Variants in PPP2R2B observed in about 807,000 individuals in gnomAD.
PPP2R2B encodes the protein protein phosphatase 2 regulatory subunit Bbeta, also known as serine/threonine-protein phosphatase 2A 55 kDa regulatory subunit B beta isoform.
In PPP2R2B, 5 loss-of-function variants were observed where a neutral mutation model predicts 46.0. The observed-to-expected ratio is 0.11, with a 90% confidence interval of 0.06 to 0.23. The LOEUF is 0.23. Ranked by LOEUF, PPP2R2B falls within the 10% of genes least tolerant of loss-of-function variation. The pLI is 1.00. For synonymous variants in PPP2R2B, 215 were observed against 206.7 expected, an observed-to-expected ratio of 1.04 and a Z score of -0.34; for missense variants, 367 against 575.0, an observed-to-expected ratio of 0.64 and a Z score of 3.70.
intron 9 of PPP2R2B, among the ~76,000 whole-genome samples, chr5:146,590,519 T>G (rs1288594396): frequency 2.0e-5 from 3 of 152,062 alleles, no homozygotes; most frequent in African/African-American, 7.3e-5. Flanking sequence ...TTTTGCTTCT[T>G]TGGCTCAGAA....
chr5:147,051,305 A>G (rs1561600461), intron 1 of PPP2R2B, among the ~76,000 whole-genome samples: 1 of 152,170 alleles, frequency 6.6e-6, no homozygotes, highest in Non-Finnish European at 1.5e-5. Context: ...ACATGGAGAC[A>G]ATGGCGTTTA....
chr5:146,995,066 AC>A (rs772174129), intron 1 of PPP2R2B, among the ~76,000 whole-genome samples: 1 of 152,152 alleles, frequency 6.6e-6, no homozygotes, highest in Non-Finnish European at 1.5e-5. Context: ...CACCTGTCTT[AC>A]CTTTGAGTTT....
chr5:146,585,088 T>C lies in PPP2R2B; in HGVS notation c.*4859A>G, dbSNP rs754783120. Reference sequence around the variant, plus strand: ...ATATGCACTTTCTCCTATGTGAGTGTCATCTCTTGGAGGGCAGGGGCCAGT... The same window carrying C: ...ATATGCACTTTCTCCTATGTGAGTGCCATCTCTTGGAGGGCAGGGGCCAGT... On this transcript the variant is annotated 3_prime_UTR_variant, in exon 10 of 10. Coordinates refer to ENST00000394411, the MANE Select transcript of PPP2R2B (RefSeq NM_181675.4). The C allele has an allele frequency of 2.0e-5, 3 of 152,216 alleles. No individual in the cohort carries two copies. The highest frequency in any genetic ancestry group is 4.4e-5 in the Non-Finnish European group (3 of 68,038). The allele number at this position is 152,216 out of a possible 1,614,324, so 9.4% of individuals were successfully genotyped here.
Position 146,976,220 on chromosome 5 carries a change from T to G in PPP2R2B, c.79+79445A>C, listed in dbSNP as rs547281223. 1.1e-4 allele frequency among the ~76,000 whole-genome samples: 16 copies of G among 151,770 alleles called. 1 individual carries two copies. The highest frequency in any genetic ancestry group is 3.6e-4 in the African/African-American group (15 of 41,418). On this transcript the variant is annotated intron_variant, in intron 1 of 8. Coordinates refer to the PPP2R2B transcript ENST00000336640. Reference sequence around the variant, plus strand: ...TGGTGCAATCTCGGCTCACTGCAACTTCTGCTTCCCGGGTTCAAGCTATTC... The same window carrying G: ...TGGTGCAATCTCGGCTCACTGCAACGTCTGCTTCCCGGGTTCAAGCTATTC...
At chr5:147,081,150 A>C in intron 1 of PPP2R2B, 1 of 1,535,488 alleles carries the variant, frequency 6.5e-7, no homozygotes, top group Non-Finnish European at 8.7e-7. Flanking sequence ...AAAACAACAC[A>C]AGGAGACACT....
intron 2 of PPP2R2B, among the ~76,000 whole-genome samples, chr5:146,718,758 C>T (rs1780633041): frequency 6.6e-6 from 1 of 152,208 alleles, no homozygotes; most frequent in African/African-American, 2.4e-5. Flanking sequence ...GCCAAGAAGT[C>T]TGACCCAGTG....
intron 1 of PPP2R2B, among the ~76,000 whole-genome samples, chr5:146,977,665 G>A (rs867941085): frequency 6.6e-6 from 1 of 152,062 alleles, no homozygotes; most frequent in Middle Eastern, 3.2e-3. Context: ...CGAGAATGAT[G>A]GTCTCCAGCT....
chr5:146,684,050 A>G (rs1252595739), intron 5 of PPP2R2B, among the ~76,000 whole-genome samples: 3 of 152,108 alleles, frequency 2.0e-5, no homozygotes, highest in South Asian at 2.1e-4. Flanking sequence ...CTAATCCAGG[A>G]GCCGTTGGTG....
At chr5:146,845,580 T>G (rs983501090) in intron 2 of PPP2R2B, among the ~76,000 whole-genome samples, 1 of 152,124 alleles carries the variant, frequency 6.6e-6, no homozygotes, top group African/African-American at 2.4e-5. Context: ...TTTTCTGTTT[T>G]ATTCATGTCT....
rs563399449 is a variant in PPP2R2B at position 147,042,791 on chromosome 5, G to A, written c.79+12874C>T. Among the ~76,000 whole-genome samples, 119 of 152,242 alleles carry A rather than the reference G, an allele frequency of 7.8e-4. 4 individuals carry two copies. In the Middle Eastern group the frequency reaches 0.044, roughly 57 times the overall value. On this transcript the variant is annotated intron_variant, in intron 1 of 8. Coordinates refer to the PPP2R2B transcript ENST00000336640. ...ATGGGAGGTGTGCTTTTCAGACAAA[G>A]TAGGCAGGAAGGTTTGTATGTAGGA... is the stretch of plus-strand genomic sequence containing the variant.
At chr5:146,828,047 C>A (rs908546559) in intron 2 of PPP2R2B, among the ~76,000 whole-genome samples, 6 of 151,774 alleles carry the variant, frequency 4.0e-5, no homozygotes, top group African/African-American at 1.5e-4. Context: ...CAGAGACAGA[C>A]AATCATGTAC....
chr5:146,727,786 ACTT>A (rs1174693218), intron 2 of PPP2R2B, among the ~76,000 whole-genome samples: 1 of 151,740 alleles, frequency 6.6e-6, no homozygotes, highest in African/African-American at 2.4e-5. Flanking sequence ...GATCTCTAAA[ACTT>A]CTTCTTCTTG....
rs565431181 is a variant in PPP2R2B at position 146,685,129 on chromosome 5, C to T, written c.447+5999G>A. Among the ~76,000 whole-genome samples the T allele has an allele frequency of 3.3e-5, 5 of 152,266 alleles. No homozygotes were observed. The South Asian group carries it at 1.0e-3, about 32-fold the overall frequency. On this transcript the variant is annotated intron_variant, in intron 5 of 9. Transcript: ENST00000394411. ...GAGATACAAAATACATGGAAAAGTCCTGTACATCAGATGTTGTCATCCTCA... is the reference window on the plus strand; with the variant it reads ...GAGATACAAAATACATGGAAAAGTCTTGTACATCAGATGTTGTCATCCTCA...
chr5:146,601,028 G>A (rs1344210118), intron 7 of PPP2R2B, among the ~76,000 whole-genome samples: 1 of 152,180 alleles, frequency 6.6e-6, no homozygotes, highest in Middle Eastern at 3.4e-3. Flanking sequence ...CACATAAATA[G>A]AATCATAGAA....
chr5:147,011,375 T>C (rs1254745965), intron 1 of PPP2R2B, among the ~76,000 whole-genome samples: 1 of 152,140 alleles, frequency 6.6e-6, no homozygotes, highest in Non-Finnish European at 1.5e-5. Context: ...TATCACCCTT[T>C]AACATGTCAT....
chr5:146,793,867 T>G (rs867356872), intron 2 of PPP2R2B, among the ~76,000 whole-genome samples: 3 of 152,332 alleles, frequency 2.0e-5, no homozygotes, highest in Middle Eastern at 6.8e-3. Context: ...AGGTAAGGGC[T>G]GAGGTATCTA....
At chr5:146,997,308 C>T (rs1753966839) in intron 1 of PPP2R2B, among the ~76,000 whole-genome samples, 1 of 152,178 alleles carries the variant, frequency 6.6e-6, no homozygotes, top group African/African-American at 2.4e-5. Flanking sequence ...GAGCCACTCT[C>T]TACTCTGACC....
chr5:146,782,268 A>C (rs2151284187), intron 2 of PPP2R2B, among the ~76,000 whole-genome samples: 1 of 152,320 alleles, frequency 6.6e-6, no homozygotes, highest in East Asian at 1.9e-4. Flanking sequence ...GATCTATTAC[A>C]TTATCCATTG....
At chr5:147,001,410 CT>C (rs1561567932) in intron 1 of PPP2R2B, among the ~76,000 whole-genome samples, 1 of 152,076 alleles carries the variant, frequency 6.6e-6, no homozygotes, top group Non-Finnish European at 1.5e-5. Flanking sequence ...GACACGCCAT[CT>C]TTAAGAGCTG....
Sources: allele counts gnomAD v4.1 joint callset (sites outside exome capture counted in the v4.1 genomes callset), GRCh38; gene constraint gnomAD v4.1.1; transcripts MANE v1.5; gene names NCBI Gene and HGNC (gene_info 2026-07-23, HGNC 2026-07-21).